Variants in FLT1 observed in about 807,000 individuals in gnomAD.
FLT1 encodes the protein vascular endothelial growth factor receptor 1.
A neutral mutation model predicts 156.3 loss-of-function variants in FLT1; 49 were observed. That is an observed-to-expected ratio of 0.31 (90% CI 0.25 to 0.40). FLT1 has a LOEUF of 0.40. Ranked by LOEUF, FLT1 falls within the 10% of genes least tolerant of loss-of-function variation. The pLI, the probability that FLT1 is intolerant of heterozygous loss-of-function variation, is 1.00. For missense variants in FLT1, 1,322 were observed against 1,637.2 expected (o/e 0.81, Z 3.32); for synonymous variants, 594 against 583.8 (o/e 1.02, Z -0.25).
chr13:28,473,576 C>T lies in FLT1; in HGVS notation c.65-5959G>A, dbSNP rs537819799. On this transcript the variant is annotated intron_variant, in intron 1 of 29. Coordinates refer to ENST00000282397, the MANE Select transcript of FLT1 (RefSeq NM_002019.4). Reference sequence around the variant, plus strand: ...AGGAGAATGGCTTAAACCCGGGAGGCGGAGATTGCAGTGAGCCAAGACTGC... The same window carrying T: ...AGGAGAATGGCTTAAACCCGGGAGGTGGAGATTGCAGTGAGCCAAGACTGC... 8.0e-5 allele frequency among the ~76,000 whole-genome samples: 12 copies of T among 150,668 alleles called. No homozygotes were observed. The East Asian group carries it at 1.4e-3, about 17-fold the overall frequency.
At position 28,494,691 on chromosome 13, in the gene FLT1, G is replaced by A. The variant is rs1022190440; in HGVS notation, c.64+89C>T. 1.9e-5 allele frequency: 19 copies of A among 1,016,828 alleles called. No individual in the cohort carries two copies. The East Asian group carries it at 4.1e-4, about 22-fold the overall frequency. 63.0% of individuals were successfully genotyped at this position (1,016,828 alleles called of 1,614,324 possible). ...CTCCGGGCTACAGCCTCGTCTCCCC[G>A]CGTGCACCCCGCCCTGGCCTCGGAG... On this transcript the variant is annotated intron_variant, in intron 1 of 29. Coordinates refer to ENST00000282397, the MANE Select transcript of FLT1 (RefSeq NM_002019.4).
intron 10 of FLT1, among the ~76,000 whole-genome samples, chr13:28,418,160 G>C (rs2137522144): frequency 6.6e-6 from 1 of 152,252 alleles, no homozygotes; most frequent in South Asian, 2.1e-4. Flanking sequence ...CCCATTAACT[G>C]TTAGTTAGAC....
At chr13:28,364,500 A>G (rs572364516) in intron 14 of FLT1, among the ~76,000 whole-genome samples, 1 of 152,336 alleles carries the variant, frequency 6.6e-6, no homozygotes, top group East Asian at 1.9e-4. Flanking sequence ...ATCATAAAGA[A>G]AGTATACTTT....
intron 27 of FLT1, among the ~76,000 whole-genome samples, chr13:28,311,124 A>G (rs1190191540): frequency 6.6e-6 from 1 of 151,994 alleles, no homozygotes; most frequent in African/African-American, 2.4e-5. Context: ...CACCCGGCTA[A>G]TTTTTAAATT....
At chr13:28,394,331 G>A (rs1555641) in intron 12 of FLT1, among the ~76,000 whole-genome samples, 43,960 of 151,934 alleles carry the variant, frequency 0.29, 6,665 homozygotes, top group East Asian at 0.44. Flanking sequence ...GCTTCAAGTA[G>A]GTATGTCTGA....
Position 28,322,489 on chromosome 13 carries a change from T to C in FLT1, c.2954-130A>G, listed in dbSNP as rs529144826. The C allele has an allele frequency of 1.8e-5, 14 of 759,764 alleles. No homozygotes were observed. The East Asian group carries it at 3.2e-4, about 17-fold the overall frequency. The allele number at this position is 759,764 out of a possible 1,614,324, so 47.1% of individuals were successfully genotyped here. A position where few individuals can be genotyped will look rare whatever the true frequency, so the allele number is the denominator to read the frequency against. On this transcript the variant is annotated intron_variant, in intron 21 of 29. Coordinates refer to ENST00000282397, the MANE Select transcript of FLT1 (RefSeq NM_002019.4). This position sits in a 1 kb window ranked among gnomAD's most constrained non-coding sequence, Gnocchi z 4.3. ...AGATCAGAGTTCATTTTTAAGAGTATTTGAGTTTCAACATGAACACCAGAG... is the reference window on the plus strand; with the variant it reads ...AGATCAGAGTTCATTTTTAAGAGTACTTGAGTTTCAACATGAACACCAGAG...
chr13:28,469,063 C>G (rs1026470722), intron 1 of FLT1, among the ~76,000 whole-genome samples: 1 of 152,128 alleles, frequency 6.6e-6, no homozygotes, highest in African/African-American at 2.4e-5. Context: ...TCTTCACCAG[C>G]CTCCTCCTCC....
chr13:28,454,851 A>G (rs529282116), intron 3 of FLT1, among the ~76,000 whole-genome samples: 44 of 152,342 alleles, frequency 2.9e-4, no homozygotes, highest in African/African-American at 9.9e-4. Flanking sequence ...CCTATATACA[A>G]GCAATGAAAA....
chr13:28,341,327 T>C (rs1418551917), intron 16 of FLT1, among the ~76,000 whole-genome samples: 1 of 152,230 alleles, frequency 6.6e-6, no homozygotes, highest in Non-Finnish European at 1.5e-5. Flanking sequence ...GAGCAGCTAC[T>C]AGGTGCTTGG....
chr13:28,357,657 C>A lies in FLT1; in HGVS notation c.2145G>T (p.Thr715=), dbSNP rs143837790. Residue 715 remains threonine, a synonymous_variant, in exon 15 of 30, where the codon ACG becomes ACT. Transcript: ENST00000282397. The stretch of plus-strand genomic sequence containing the variant: ...CTTCTGTGACTCTTTCAATAAACAG[C>A]GTGCTGCTTCCTGGTCCTAAAATAA... The part of the protein sequence containing the change: ...PGIILGPGSS[T]LFIERVTEED... 4 of 1,613,548 alleles carry A rather than the reference C, an allele frequency of 2.5e-6. No homozygotes were observed. The highest frequency in any genetic ancestry group is 3.4e-6 in the Non-Finnish European group (4 of 1,179,552).
In FLT1 at chr13:28,344,304, T is replaced by C. The variant is rs143646875; in HGVS notation, c.2355+1141A>G. Among the ~76,000 whole-genome samples the C allele has an allele frequency of 6.5e-3, 987 of 152,232 alleles. 11 individuals carry two copies. Among genetic ancestry groups the C allele is most frequent in the Non-Finnish European group, 7.3e-3 (494 of 68,002 alleles). ...GGCCTTCTGTCAGTCTCTCACTGTG[T>C]TCCCCCTCCCCTGCCCAGCCTCCTA... On this transcript the variant is annotated intron_variant, in intron 16 of 29. Transcript: ENST00000282397.
At chr13:28,387,612 T>G in intron 13 of FLT1, 1 of 1,064,942 alleles carries the variant, frequency 9.4e-7, no homozygotes, top group Non-Finnish European at 1.1e-6. Flanking sequence ...ATACACAGCT[T>G]CTATCCTCCG....
intron 3 of FLT1, among the ~76,000 whole-genome samples, chr13:28,455,218 T>C (rs1264761203): frequency 6.6e-6 from 1 of 152,142 alleles, no homozygotes; most frequent in African/African-American, 2.4e-5. Flanking sequence ...AGAGCAAAGT[T>C]GGAAGACTGA....
Position 28,300,545 on chromosome 13 carries a change from AC to A in FLT1, c.*2621del, listed in dbSNP as rs1870471535. The A allele has an allele frequency of 4.3e-6, 1 of 232,856 alleles. No individual in the cohort carries two copies. The highest frequency in any genetic ancestry group is 1.8e-4 in the South Asian group (1 of 5,520). 14.4% of individuals were successfully genotyped at this position (232,856 alleles called of 1,614,324 possible). ...CCCACACACACACACACACACACAC[AC>A]ACACACACACATACAGTTACACCAC... On this transcript the variant is annotated 3_prime_UTR_variant, in exon 30 of 30. Coordinates refer to ENST00000282397, the MANE Select transcript of FLT1 (RefSeq NM_002019.4).
chr13:28,471,386 T>A (rs1304694063), intron 1 of FLT1, among the ~76,000 whole-genome samples: 1 of 152,198 alleles, frequency 6.6e-6, no homozygotes, highest in African/African-American at 2.4e-5. Flanking sequence ...GTGAAAATAT[T>A]TATTTCTTGA....
chr13:28,359,975 G>A (rs753749318), intron 14 of FLT1, among the ~76,000 whole-genome samples: 1 of 152,162 alleles, frequency 6.6e-6, no homozygotes, highest in Non-Finnish European at 1.5e-5. Flanking sequence ...GCGGGGTGTG[G>A]TGGCGAATGC....
At chr13:28,333,846 A>G (rs917581976) in intron 18 of FLT1, among the ~76,000 whole-genome samples, 179 bp downstream of exon 18, 3 of 152,178 alleles carry the variant, frequency 2.0e-5, no homozygotes, top group Non-Finnish European at 4.4e-5. Flanking sequence ...GTTTCTTCTG[A>G]GCTCGTGCTG....
At chr13:28,472,260 T>C (rs546227394) in intron 1 of FLT1, among the ~76,000 whole-genome samples, 30 of 152,218 alleles carry the variant, frequency 2.0e-4, no homozygotes, top group Non-Finnish European at 3.7e-4. Context: ...TTTGACTTCA[T>C]TGGGAAGAGT....
chr13:28,347,400 G>A (rs1872603991), intron 15 of FLT1, among the ~76,000 whole-genome samples: 1 of 151,932 alleles, frequency 6.6e-6, no homozygotes, highest in Non-Finnish European at 1.5e-5. Context: ...TGGTGGGGGG[G>A]CACCCAGCTC....
Sources: allele counts gnomAD v4.1 joint callset (sites outside exome capture counted in the v4.1 genomes callset), GRCh38; gene constraint gnomAD v4.1.1; non-coding constraint Gnocchi (gnomAD v3.1); transcripts MANE v1.5; gene names NCBI Gene and HGNC (gene_info 2026-07-23, HGNC 2026-07-21).